SNTG1: variants seen among roughly 807,000 people sequenced by gnomAD.
The protein encoded by SNTG1 is syntrophin gamma 1, also known as gamma-1-syntrophin.
Under a neutral mutation model 74.7 loss-of-function variants are expected in SNTG1, and 39 were observed. The ratio of observed to expected loss-of-function variants is 0.52; its 90% CI spans 0.40 to 0.68. The LOEUF is 0.68. SNTG1 is among the 30% of genes least tolerant of loss of function. The pLI is 0.00. For synonymous variants in SNTG1, 254 were observed against 217.1 expected (o/e 1.17, Z -1.49); for missense variants, 685 against 609.5 (o/e 1.12, Z -1.30).
chr8:50,529,941 T>C (rs1371890578), intron 9 of SNTG1, among the ~76,000 whole-genome samples: 1 of 148,012 alleles, frequency 6.8e-6, no homozygotes, highest in African/African-American at 2.4e-5. Context: ...CTTTATAAAG[T>C]CTTAATGTTT....
chr8:50,492,131 A>G lies in SNTG1; in HGVS notation c.364-10647A>G, dbSNP rs7003515. ...GTGCCACATTTTCTTTATCCAGTCT[A>G]TCATTGATGGGCATTTGGATTGGTT... is the stretch of plus-strand genomic sequence containing the variant. On this transcript the variant is annotated intron_variant, in intron 8 of 18. Coordinates refer to ENST00000642720, the MANE Select transcript of SNTG1 (RefSeq NM_018967.5). 1.8e-3 allele frequency among the ~76,000 whole-genome samples: 278 copies of G among 152,296 alleles called. 2 individuals are homozygous for G. Among genetic ancestry groups the G allele is most frequent in the African/African-American group, 6.2e-3 (256 of 41,556 alleles).
chr8:50,092,822 T>TGTTGCTGTG (rs1270479531), intron 1 of SNTG1, among the ~76,000 whole-genome samples: 2 of 152,182 alleles, frequency 1.3e-5, no homozygotes, highest in Non-Finnish European at 2.9e-5. Context: ...TGGAGTACAA[T>TGTTGCTGTG]GTTGCTGTGC....
At chr8:49,979,263 G>T (rs1164362389) in intron 1 of SNTG1, among the ~76,000 whole-genome samples, 1 of 152,134 alleles carries the variant, frequency 6.6e-6, no homozygotes, top group African/African-American at 2.4e-5. Context: ...TGTCCTCCTC[G>T]GGGACTGCAT....
At position 50,704,628 on chromosome 8, in the gene SNTG1, A is replaced by T. The variant is rs750037120; in HGVS notation, c.1067A>T (p.Gln356Leu). 1 of 1,614,118 alleles carries T rather than the reference A, an allele frequency of 6.2e-7. No individual in the cohort carries two copies. The highest frequency in any genetic ancestry group is 1.3e-5 in the African/African-American group (1 of 75,016). ...AGTGACCTGCTGGACCGACGGAAAC[A>T]GTGCTTCACCGTGCAGTCTGAGTCT... ...KDSDLLDRRK[Q>L]CFTVQSESGE... Residue 356 changes from glutamine (Q) to leucine (L), a missense_variant, in exon 16 of 19, where the codon CAG becomes CTG. Transcript: ENST00000642720.
intron 15 of SNTG1, among the ~76,000 whole-genome samples, chr8:50,674,504 G>A (rs950156117): frequency 3.9e-5 from 6 of 151,910 alleles, no homozygotes; most frequent in African/African-American, 1.5e-4. Flanking sequence ...GTATTTCTCT[G>A]GGGTCAGTAG....
At chr8:50,550,293 C>G (rs1438488409) in intron 11 of SNTG1, among the ~76,000 whole-genome samples, 3 of 152,122 alleles carry the variant, frequency 2.0e-5, no homozygotes, top group African/African-American at 7.2e-5. Flanking sequence ...ATGCTCATTC[C>G]AGTCACTCCA....
intron 18 of SNTG1, chr8:50,762,567 C>G (rs1480336519): frequency 1.1e-5 from 4 of 369,678 alleles, no homozygotes; most frequent in Non-Finnish European, 2.1e-5. Flanking sequence ...ATTTTTGTTC[C>G]AAGGATGTGC....
chr8:50,131,678 C>T (rs1231546938), intron 1 of SNTG1, among the ~76,000 whole-genome samples: 1 of 151,990 alleles, frequency 6.6e-6, no homozygotes, highest in South Asian at 2.1e-4. Flanking sequence ...ATAGTGATTT[C>T]ATTTTATTTT....
In SNTG1 at chr8:50,752,052, G is replaced by A. The variant is rs2095568806; in HGVS notation, c.1336G>A (p.Gly446Ser). The A allele has an allele frequency of 1.9e-6, 3 of 1,566,994 alleles. No homozygotes were observed. Among genetic ancestry groups the A allele is most frequent in the Non-Finnish European group, 1.7e-6 (2 of 1,160,552 alleles). Residue 446 changes from glycine to serine, a missense_variant, in exon 18 of 19, where the codon GGC becomes AGC. Coordinates refer to ENST00000642720, the MANE Select transcript of SNTG1 (RefSeq NM_018967.5). ...FSQLKGSSDDGKSKIKFLFQN... is the reference protein window; with the variant it reads ...FSQLKGSSDDSKSKIKFLFQN... ...TCAGCTTAAAGGTTCTTCAGATGATGGCAAGAGCAAAATCAAATTTTTGTT... is the reference window on the plus strand; with the variant it reads ...TCAGCTTAAAGGTTCTTCAGATGATAGCAAGAGCAAAATCAAATTTTTGTT...
intron 1 of SNTG1, among the ~76,000 whole-genome samples, chr8:49,939,712 A>ACATAGACT (rs1808509289): frequency 1.3e-5 from 2 of 152,182 alleles, no homozygotes; most frequent in African/African-American, 2.4e-5. Context: ...AAGCCTTTTA[A>ACATAGACT]AATAACCAAA....
At chr8:50,153,938 A>G (rs146685590) in intron 1 of SNTG1, among the ~76,000 whole-genome samples, 1 of 152,278 alleles carries the variant, frequency 6.6e-6, no homozygotes, top group Non-Finnish European at 1.5e-5. Context: ...GCTGTCAGAC[A>G]TGAACATTTA....
intron 2 of SNTG1, chr8:50,381,781 G>GGT (rs535501506): frequency 8.7e-6 from 1 of 115,204 alleles, no homozygotes; most frequent in Non-Finnish European, 1.8e-5. Context: ...ATATATATAG[G>GGT]ATATATATAT....
intron 8 of SNTG1, among the ~76,000 whole-genome samples, chr8:50,452,130 A>G (rs2093463455): frequency 6.6e-6 from 1 of 152,178 alleles, no homozygotes; most frequent in African/African-American, 2.4e-5. Flanking sequence ...AGGGTTTTTA[A>G]TTAGGAACAC....
chr8:50,178,793 C>T (rs1390726331), intron 2 of SNTG1, among the ~76,000 whole-genome samples: 3 of 152,140 alleles, frequency 2.0e-5, no homozygotes, highest in African/African-American at 7.2e-5. Context: ...CTCTGTGTGA[C>T]ACTCTGCCAA....
At chr8:50,110,201 G>A (rs1302671337) in intron 1 of SNTG1, among the ~76,000 whole-genome samples, 1 of 152,182 alleles carries the variant, frequency 6.6e-6, no homozygotes, top group East Asian at 1.9e-4. Flanking sequence ...TAACTGCAGA[G>A]TGAGGGATTA....
intron 13 of SNTG1, among the ~76,000 whole-genome samples, chr8:50,594,528 A>G (rs2094714204): frequency 6.6e-6 from 1 of 152,096 alleles, no homozygotes. Flanking sequence ...AGCTATTCCT[A>G]TAGAAATATT....
At chr8:50,502,971 G>T in intron 9 of SNTG1, 91 bp downstream of exon 9, 1 of 1,135,476 alleles carries the variant, frequency 8.8e-7, no homozygotes, top group Non-Finnish European at 1.3e-6. Context: ...TCTTCTTAAA[G>T]TTGAGATTTT....
intron 9 of SNTG1, among the ~76,000 whole-genome samples, chr8:50,507,008 A>G (rs1347497827): frequency 6.6e-6 from 1 of 151,996 alleles, no homozygotes; most frequent in African/African-American, 2.4e-5. Flanking sequence ...AGTTTGTAAA[A>G]TGTATTATGT....
intron 13 of SNTG1, among the ~76,000 whole-genome samples, chr8:50,654,685 A>C (rs1368343487): frequency 6.6e-6 from 1 of 152,168 alleles, no homozygotes; most frequent in African/African-American, 2.4e-5. Context: ...TGACATAAGT[A>C]ATGTTATTGT....
Sources: gnomAD v4.1 joint callset for allele counts (sites outside exome capture counted in the v4.1 genomes callset) on GRCh38, gnomAD v4.1.1 for gene constraint, MANE v1.5 for transcripts, NCBI Gene and HGNC (gene_info 2026-07-23, HGNC 2026-07-21) for gene names.